The following KCNC1 variants were observed in gnomAD, a reference collection of about 807,000 sequenced individuals.
KCNC1 encodes the protein potassium voltage-gated channel subfamily C member 1, also known as voltage-gated potassium channel KCNC1.
In KCNC1, 8 loss-of-function variants were observed where a neutral mutation model predicts 43.4. That is an observed-to-expected ratio of 0.18 (90% CI 0.11 to 0.33). The LOEUF (loss-of-function observed/expected upper bound fraction) is 0.33, where lower values mean the gene tolerates loss of function less well. Ranked by LOEUF, KCNC1 falls within the 10% of genes least tolerant of loss-of-function variation. The probability of loss-of-function intolerance (pLI) is 1.00; values close to 1 mark genes in which losing one functional copy is unlikely to be tolerated. For missense variants in KCNC1, 420 were observed against 836.0 expected (o/e 0.50, Z 6.14); for synonymous variants, 361 against 360.5 (o/e 1.00, Z -0.01).
At chr11:17,763,596 A>C (rs1590102457) in intron 1 of KCNC1, among the ~76,000 whole-genome samples, 2 of 102,436 alleles carry the variant, frequency 2.0e-5, no homozygotes, top group Non-Finnish European at 1.9e-5. Context: ...ACAGACCCCC[A>C]CACACCACCC....
At chr11:17,753,719 G>A (rs983000392) in intron 1 of KCNC1, among the ~76,000 whole-genome samples, 2 of 152,152 alleles carry the variant, frequency 1.3e-5, no homozygotes, top group East Asian at 1.9e-4. Context: ...GGGAGGGGGC[G>A]GGTGGCAATG....
chr11:17,780,475 C>T (rs1849333157), intron 3 of KCNC1: 3 of 152,352 alleles, frequency 2.0e-5, no homozygotes, highest in Non-Finnish European at 4.4e-5. Context: ...CGCCCGAGCT[C>T]AAGGCTCCAG....
rs140827255 is a variant in KCNC1 at position 17,748,331 on chromosome 11, C to T, written c.570+11759C>T. On this transcript the variant is annotated intron_variant, in intron 1 of 3. Transcript: ENST00000265969. The stretch of plus-strand genomic sequence containing the variant: ...TGTGTGCCCAGGGTTCAAGGCGCAG[C>T]GAGGAGGCATATCTGGGGCTGGGCT... Among the ~76,000 whole-genome samples, 18 of 152,108 alleles carry T rather than the reference C, an allele frequency of 1.2e-4. 1 individual carries two copies. In the East Asian group the frequency reaches 2.9e-3, roughly 25 times the overall value.
rs1565162777 is a variant in KCNC1, at chr11:17,772,190, G to A, written c.1096G>A (p.Ala366Thr). 1.2e-6 allele frequency: 2 copies of A among 1,614,020 alleles called. No homozygotes were observed. Among genetic ancestry groups the A allele is most frequent in the Non-Finnish European group, 1.7e-6 (2 of 1,180,006 alleles). Residue 366 changes from alanine (A) to threonine (T), a missense_variant, in exon 2 of 4, where the codon GCC becomes ACC. Around this residue, in one of 5 missense-constraint regions of KCNC1, gnomAD observed 58 missense variants for 256.9 expected, o/e 0.23. Transcript: ENST00000265969. ...VLIFATMIYY[A>T]ERIGAQPNDP... ...GATCTTCGCCACCATGATCTACTACGCCGAGAGGATAGGGGCACAGCCCAA... is the reference window on the plus strand; with the variant it reads ...GATCTTCGCCACCATGATCTACTACACCGAGAGGATAGGGGCACAGCCCAA...
intron 1 of KCNC1, among the ~76,000 whole-genome samples, chr11:17,768,619 G>A (rs892239636): frequency 4.0e-5 from 6 of 151,856 alleles, no homozygotes; most frequent in Admixed American, 6.6e-5. Context: ...TGGTGGGGGG[G>A]GGGGCGGTTT....
Position 17,739,485 on chromosome 11 carries a change from GAC to G in KCNC1, c.570+2914_570+2915del, listed in dbSNP as rs1848812491. Among the ~76,000 whole-genome samples, 1 of 151,908 alleles carries G rather than the reference GAC, an allele frequency of 6.6e-6. No homozygotes were observed. Among genetic ancestry groups the G allele is most frequent in the African/African-American group, 2.4e-5 (1 of 41,318 alleles). On this transcript the variant is annotated intron_variant, in intron 1 of 3. Transcript: ENST00000265969. The surrounding 1 kb of genome is among the most constrained non-coding windows in gnomAD (Gnocchi z 4.2). The stretch of plus-strand genomic sequence containing the variant: ...AGAGGCGGATTCTGTGTTTTGGATG[GAC>G]TGTGCGTGTGTGAGAATGAGACTGT...
rs1053967138 is a variant in KCNC1 at position 17,781,204 on chromosome 11, A to G, written c.1694-466A>G. The G allele has an allele frequency of 1.9e-5, 3 of 154,528 alleles. No homozygotes were observed. Among genetic ancestry groups the G allele is most frequent in the African/African-American group, 7.2e-5 (3 of 41,546 alleles). 9.6% of individuals were successfully genotyped at this position (154,528 alleles called of 1,614,324 possible). A position where few individuals can be genotyped will look rare whatever the true frequency, so the allele number is the denominator to read the frequency against. ...CCAGAAGCACAGAAGGGAGTGTGGG[A>G]CAGGAACAGCGCTGCTCCCTGCAGT... On this transcript the variant is annotated intron_variant, in intron 3 of 3. Coordinates refer to ENST00000265969, the MANE Select transcript of KCNC1 (RefSeq NM_001112741.2). The surrounding 1 kb of genome is among the most constrained non-coding windows in gnomAD (Gnocchi z 5.1).
intron 1 of KCNC1, among the ~76,000 whole-genome samples, chr11:17,737,224 G>A (rs1325658235): frequency 1.3e-5 from 2 of 152,126 alleles, no homozygotes; most frequent in Non-Finnish European, 2.9e-5. Context: ...GTAAGGTAGG[G>A]GTGGTCCGTC....
Position 17,781,967 on chromosome 11 carries a change from G to A in KCNC1, c.*233G>A, listed in dbSNP as rs1422858142. ...TTTAAAATTTTATTTTATTTGGGGA[G>A]GGGGGGTGGAGGGGCTCCTTAGCAT... On this transcript the variant is annotated 3_prime_UTR_variant, in exon 4 of 4. Coordinates refer to ENST00000265969, the MANE Select transcript of KCNC1 (RefSeq NM_001112741.2). This position sits in a 1 kb window ranked among gnomAD's most constrained non-coding sequence, Gnocchi z 5.1. 2.5e-5 allele frequency: 11 copies of A among 445,710 alleles called. No homozygotes were observed. The South Asian group carries it at 5.7e-4, about 23-fold the overall frequency. 27.6% of individuals were successfully genotyped at this position (445,710 alleles called of 1,614,324 possible). A position where few individuals can be genotyped will look rare whatever the true frequency, so the allele number is the denominator to read the frequency against.
At position 17,777,531 on chromosome 11, in the gene KCNC1, GC is replaced by G. The variant is rs1849299975; in HGVS notation, c.1505-1923del. On this transcript the variant is annotated intron_variant, in intron 2 of 3. Coordinates refer to ENST00000265969, the MANE Select transcript of KCNC1 (RefSeq NM_001112741.2). The surrounding 1 kb of genome is among the most constrained non-coding windows in gnomAD (Gnocchi z 4.3). ...GACCCTTGGATGGAAGACTGGGCCA[GC>G]CAGAGTGGGAGGCAGGACCAGCGTG... The G allele has an allele frequency of 2.0e-6, 2 of 985,960 alleles. No individual in the cohort carries two copies. The highest frequency in any genetic ancestry group is 2.3e-4 in the East Asian group (2 of 8,778). 61.1% of individuals were successfully genotyped at this position (985,960 alleles called of 1,614,324 possible). A position where few individuals can be genotyped will look rare whatever the true frequency, so the allele number is the denominator to read the frequency against.
intron 1 of KCNC1, among the ~76,000 whole-genome samples, chr11:17,754,761 T>A (rs892475099): frequency 2.6e-5 from 4 of 151,508 alleles, no homozygotes; most frequent in African/African-American, 9.7e-5. Context: ...GGGAAGAGAG[T>A]CAAACAACAA....
intron 1 of KCNC1, among the ~76,000 whole-genome samples, chr11:17,768,560 G>T (rs1413771521): frequency 1.5e-5 from 2 of 136,942 alleles, no homozygotes; most frequent in African/African-American, 5.2e-5. Flanking sequence ...CAGTGACCCT[G>T]CCCGGAGAGA....
At chr11:17,746,278 C>G (rs1565155633) in intron 1 of KCNC1, among the ~76,000 whole-genome samples, 1 of 152,248 alleles carries the variant, frequency 6.6e-6, no homozygotes, top group Non-Finnish European at 1.5e-5. Context: ...TGTCACCACC[C>G]AGGCCCAGAT....
chr11:17,738,243 G>A (rs1348865741), intron 1 of KCNC1, among the ~76,000 whole-genome samples: 2 of 151,478 alleles, frequency 1.3e-5, no homozygotes, highest in African/African-American at 4.9e-5. Flanking sequence ...GGGACCCTCA[G>A]AGGGCTTCCC....
chr11:17,764,540 G>T (rs776175530), intron 1 of KCNC1, among the ~76,000 whole-genome samples: 5 of 152,102 alleles, frequency 3.3e-5, no homozygotes, highest in African/African-American at 4.8e-5. Flanking sequence ...TCCCCCCAGT[G>T]CAGACTTCCC....
At chr11:17,759,850 T>G (rs1226745243) in intron 1 of KCNC1, among the ~76,000 whole-genome samples, 1 of 152,102 alleles carries the variant, frequency 6.6e-6, no homozygotes, top group African/African-American at 2.4e-5. Context: ...ATTGCTAGAA[T>G]AACCAAAATA....
rs1214732615 is a variant in KCNC1, at chr11:17,739,326, G to T, written c.570+2754G>T. On this transcript the variant is annotated intron_variant, in intron 1 of 3. Transcript: ENST00000265969. This position sits in a 1 kb window ranked among gnomAD's most constrained non-coding sequence, Gnocchi z 4.2. The stretch of plus-strand genomic sequence containing the variant: ...AGAGAGATTGTGTGTGAGTGTGAGA[G>T]ACTTGTGTGTGTGAGAATAAATGTG... Among the ~76,000 whole-genome samples the T allele has an allele frequency of 6.6e-6, 1 of 151,762 alleles. No homozygotes were observed. The highest frequency in any genetic ancestry group is 2.4e-5 in the African/African-American group (1 of 41,370).
chr11:17,754,678 T>C (rs1413322207), intron 1 of KCNC1, among the ~76,000 whole-genome samples: 1 of 151,342 alleles, frequency 6.6e-6, no homozygotes, highest in East Asian at 1.9e-4. Flanking sequence ...GTTGGAGTGT[T>C]TGGCTGGGTC....
At chr11:17,750,879 C>A (rs1454573540) in intron 1 of KCNC1, among the ~76,000 whole-genome samples, 3 of 152,202 alleles carry the variant, frequency 2.0e-5, no homozygotes, top group African/African-American at 7.2e-5. Context: ...GAAAACCTTT[C>A]CTGTCTGACT....
Sources: allele counts gnomAD v4.1 joint callset (sites outside exome capture counted in the v4.1 genomes callset), GRCh38; gene constraint gnomAD v4.1.1; regional missense constraint gnomAD v4.1.1; non-coding constraint Gnocchi (gnomAD v3.1); transcripts MANE v1.5; gene names NCBI Gene and HGNC (gene_info 2026-07-23, HGNC 2026-07-21).